The following ANK3 variants were observed in gnomAD, a reference collection of about 807,000 sequenced individuals.
The protein encoded by ANK3 is ankyrin-3.
In ANK3, 57 loss-of-function variants were observed where a neutral mutation model predicts 370.9. The ratio of observed to expected loss-of-function variants is 0.15; its 90% CI spans 0.12 to 0.19. The LOEUF is 0.19. Among genes scored for constraint, ANK3 ranks in the 10% least tolerant of loss-of-function variants. The pLI is 1.00. For missense variants in ANK3, 4,439 were observed against 5,302.1 expected, an observed-to-expected ratio of 0.84 and a Z score of 5.06; for synonymous variants, 1,929 against 1,946.3, an observed-to-expected ratio of 0.99 and a Z score of 0.23.
At chr10:60,486,347 G>A (rs879430059) in intron 2 of ANK3, among the ~76,000 whole-genome samples, 3 of 152,200 alleles carry the variant, frequency 2.0e-5, no homozygotes, top group East Asian at 3.8e-4. Context: ...GGGAGGCCGA[G>A]GTGGGTGGAT....
intron 9 of ANK3, among the ~76,000 whole-genome samples, chr10:60,212,887 A>C (rs1310877241): frequency 2.0e-5 from 3 of 152,150 alleles, no homozygotes; most frequent in Non-Finnish European, 4.4e-5. Flanking sequence ...AAAAGTCTAA[A>C]AGAGAGTCAA....
intron 7 of ANK3, among the ~76,000 whole-genome samples, chr10:60,256,397 A>C (rs2097735704): frequency 6.6e-6 from 1 of 152,254 alleles, no homozygotes; most frequent in Non-Finnish European, 1.5e-5. Context: ...GAAATCCCCC[A>C]GATAATGCTC....
intron 2 of ANK3, among the ~76,000 whole-genome samples, chr10:60,530,747 C>A (rs1337159581): frequency 6.6e-6 from 1 of 151,820 alleles, no homozygotes; most frequent in East Asian, 1.9e-4. Flanking sequence ...GAGTTAACAC[C>A]TTAGCTCCAC....
At chr10:60,692,710 C>G (rs954853128) in intron 1 of ANK3, among the ~76,000 whole-genome samples, 2 of 152,290 alleles carry the variant, frequency 1.3e-5, no homozygotes, top group East Asian at 3.9e-4. Flanking sequence ...AAATCAGACT[C>G]TAACATCTGA....
At chr10:60,148,903 G>A (rs890126423) in intron 23 of ANK3, among the ~76,000 whole-genome samples, 7 of 152,162 alleles carry the variant, frequency 4.6e-5, no homozygotes, top group South Asian at 2.1e-4. Context: ...TTAGCTATTT[G>A]TCTAGCCTCA....
chr10:60,112,672 C>T (rs1269743471), intron 26 of ANK3, among the ~76,000 whole-genome samples: 1 of 152,022 alleles, frequency 6.6e-6, no homozygotes, highest in Non-Finnish European at 1.5e-5. Context: ...ATGAGTAATA[C>T]GTATCTCACA....
intron 23 of ANK3, among the ~76,000 whole-genome samples, chr10:60,148,112 G>A (rs1360305297): frequency 6.6e-6 from 1 of 152,286 alleles, no homozygotes; most frequent in Non-Finnish European, 1.5e-5. Context: ...GTGCTCATGA[G>A]AGCCTGGCAT....
chr10:60,039,210 C>T lies in ANK3; in HGVS notation c.*19+3462G>A, dbSNP rs184014527. 1.8e-4 allele frequency among the ~76,000 whole-genome samples: 28 copies of T among 152,270 alleles called. No individual in the cohort carries two copies. The East Asian group carries it at 4.2e-3, about 23-fold the overall frequency. Reference sequence around the variant, plus strand: ...AAATGAAATGGGTTAACTTTTTGGCCTCAGGTAAAGGGCTGCCTTGACAAG... The same window carrying T: ...AAATGAAATGGGTTAACTTTTTGGCTTCAGGTAAAGGGCTGCCTTGACAAG... On this transcript the variant is annotated intron_variant, in intron 43 of 43. Coordinates refer to ENST00000280772, the MANE Select transcript of ANK3 (RefSeq NM_020987.5).
intron 8 of ANK3, among the ~76,000 whole-genome samples, chr10:60,230,189 A>G (rs1020994365): frequency 7.2e-5 from 11 of 152,202 alleles, no homozygotes; most frequent in Admixed American, 6.5e-4. Flanking sequence ...CTGTGAATTG[A>G]TGCAGAGCAA....
chr10:60,491,850 A>G (rs750111102), intron 2 of ANK3, among the ~76,000 whole-genome samples: 2 of 152,168 alleles, frequency 1.3e-5, no homozygotes, highest in Non-Finnish European at 2.9e-5. Flanking sequence ...CTGTCTCCTC[A>G]TATATAAAAT....
At chr10:60,640,820 A>T (rs1301437188) in intron 1 of ANK3, among the ~76,000 whole-genome samples, 2 of 101,828 alleles carry the variant, frequency 2.0e-5, no homozygotes, top group Admixed American at 1.1e-4. Flanking sequence ...AATAAAGGGT[A>T]TTCAATTAGG....
At chr10:60,308,273 C>T (rs928272732) in intron 1 of ANK3, among the ~76,000 whole-genome samples, 2 of 148,118 alleles carry the variant, frequency 1.4e-5, no homozygotes, top group Non-Finnish European at 3.0e-5. Context: ...ACAGGAGACC[C>T]TTGACTTTGG....
At chr10:60,176,403 A>G (rs924897624) in intron 18 of ANK3, among the ~76,000 whole-genome samples, 2 of 151,178 alleles carry the variant, frequency 1.3e-5, no homozygotes, top group Admixed American at 6.6e-5. Context: ...AAAAAACCAG[A>G]AAGAAAAAGA....
At chr10:60,547,660 C>T (rs1567136143) in intron 2 of ANK3, among the ~76,000 whole-genome samples, 5 of 125,802 alleles carry the variant, frequency 4.0e-5, no homozygotes, top group Non-Finnish European at 6.8e-5. Flanking sequence ...GTGGTGGAGA[C>T]AGACAGAGAG....
intron 1 of ANK3, among the ~76,000 whole-genome samples, chr10:60,293,218 T>A (rs886121474): frequency 6.6e-6 from 1 of 152,204 alleles, no homozygotes; most frequent in East Asian, 1.9e-4. Context: ...ATCCCCCTCC[T>A]GGAGGGATCC....
At chr10:60,318,764 T>A (rs1368793942) in intron 1 of ANK3, among the ~76,000 whole-genome samples, 1 of 152,198 alleles carries the variant, frequency 6.6e-6, no homozygotes, top group Non-Finnish European at 1.5e-5. Context: ...TCTCTTTTTT[T>A]AAATCTCCCT....
intron 42 of ANK3, among the ~76,000 whole-genome samples, chr10:60,052,002 G>A (rs1176135453): frequency 6.6e-6 from 1 of 151,974 alleles, no homozygotes; most frequent in African/African-American, 2.4e-5. Context: ...TAATATTTTG[G>A]ACTTCTATGA....
chr10:60,669,209 C>T (rs1397650896), intron 1 of ANK3, among the ~76,000 whole-genome samples: 2 of 152,192 alleles, frequency 1.3e-5, no homozygotes, highest in Non-Finnish European at 2.9e-5. Flanking sequence ...GGCCCTGGAC[C>T]AGCCTCTTCA....
intron 1 of ANK3, among the ~76,000 whole-genome samples, chr10:60,616,856 T>A (rs1422946691): frequency 5.3e-5 from 8 of 152,168 alleles, no homozygotes. Flanking sequence ...CACAAATATA[T>A]CTTAGCATTT....
Sources: gnomAD v4.1 joint callset for allele counts (sites outside exome capture counted in the v4.1 genomes callset) on GRCh38, gnomAD v4.1.1 for gene constraint, MANE v1.5 for transcripts, NCBI Gene and HGNC (gene_info 2026-07-23, HGNC 2026-07-21) for gene names.